Variants in TMEM178B observed in about 807,000 individuals in gnomAD.
The protein encoded by TMEM178B is transmembrane protein 178B.
TMEM178B carries 5 observed loss-of-function variants against 31.0 expected under a neutral mutation model. The observed-to-expected ratio is 0.16, with a 90% confidence interval of 0.08 to 0.34. The LOEUF (loss-of-function observed/expected upper bound fraction) is 0.34. Among genes scored for constraint, TMEM178B ranks in the 10% least tolerant of loss-of-function variants. The probability of loss-of-function intolerance (pLI) is 1.00; values close to 1 mark genes in which losing one functional copy is unlikely to be tolerated. For missense variants in TMEM178B, 275 were observed against 400.3 expected (o/e 0.69, Z 2.67); for synonymous variants, 164 against 164.0 (o/e 1.00, Z 0.00).
At chr7:141,154,721 A>G (rs1331999049) in intron 1 of TMEM178B, among the ~76,000 whole-genome samples, 1 of 150,558 alleles carries the variant, frequency 6.6e-6, no homozygotes, top group Non-Finnish European at 1.5e-5. Context: ...TGCAGCTGTT[A>G]ACTTGTTAAC....
At chr7:141,106,459 G>A (rs987477562) in intron 1 of TMEM178B, among the ~76,000 whole-genome samples, 2 of 152,082 alleles carry the variant, frequency 1.3e-5, no homozygotes, top group African/African-American at 2.4e-5. Flanking sequence ...TTAGGTTTTG[G>A]TGGGCCACAC....
intron 1 of TMEM178B, among the ~76,000 whole-genome samples, chr7:141,085,250 G>T (rs915391974): frequency 7.0e-6 from 1 of 143,092 alleles, no homozygotes; most frequent in Non-Finnish European, 1.5e-5. Flanking sequence ...ACCAGCCTCA[G>T]CCTCCCAAAG....
chr7:141,375,915 C>T (rs1233292555), intron 2 of TMEM178B, among the ~76,000 whole-genome samples: 1 of 152,168 alleles, frequency 6.6e-6, no homozygotes, highest in East Asian at 1.9e-4. Flanking sequence ...CATCGGCCTG[C>T]AGGAGTTCAT....
intron 2 of TMEM178B, among the ~76,000 whole-genome samples, chr7:141,393,671 TG>T (rs1193291838): frequency 2.0e-5 from 3 of 152,226 alleles, no homozygotes; most frequent in East Asian, 3.9e-4. Context: ...AGAAATCTCT[TG>T]CAAAGATGTT....
intron 1 of TMEM178B, among the ~76,000 whole-genome samples, chr7:141,090,316 C>T (rs931506766): frequency 9.2e-5 from 14 of 152,200 alleles, no homozygotes; most frequent in African/African-American, 3.4e-4. Context: ...TCCCAAACCC[C>T]AGAGTGTTGG....
chr7:141,213,201 A>C (rs1797076739), intron 2 of TMEM178B, among the ~76,000 whole-genome samples: 1 of 152,176 alleles, frequency 6.6e-6, no homozygotes, highest in African/African-American at 2.4e-5. Context: ...CTTTAAAGCT[A>C]CGGTTTACCC....
chr7:141,119,104 G>A (rs918711209), intron 1 of TMEM178B, among the ~76,000 whole-genome samples: 1 of 152,174 alleles, frequency 6.6e-6, no homozygotes, highest in Admixed American at 6.5e-5. Context: ...GCCTGCAGAG[G>A]CTGAGCCGTT....
rs1797069540 is a variant in TMEM178B, at chr7:141,212,678, TC to T, written c.472del (p.Arg158ValfsTer13). 6.5e-7 allele frequency: 1 copy of T among 1,535,978 alleles called. No homozygotes were observed. ...RNLTFNITKT[I>X]RQDEWHALHL... ...CTCACTTTCAATATCACGAAGACCA[TC>T]CGTCAGGATGAGTGGCATGCCCTAC... On this transcript the variant is annotated frameshift_variant, in exon 2 of 4. Coordinates refer to ENST00000565468, the MANE Select transcript of TMEM178B (RefSeq NM_001195278.2). LOFTEE classifies it high-confidence loss of function.
At chr7:141,081,420 A>C (rs576484186) in intron 1 of TMEM178B, among the ~76,000 whole-genome samples, 1 of 152,310 alleles carries the variant, frequency 6.6e-6, no homozygotes, top group African/African-American at 2.4e-5. Context: ...GGATCACCTG[A>C]GGTCAGGAGT....
chr7:141,145,286 C>G (rs111610041), intron 1 of TMEM178B, among the ~76,000 whole-genome samples: 9,267 of 152,218 alleles, frequency 0.061, 948 homozygotes, highest in African/African-American at 0.21. Context: ...TGCCACTCCA[C>G]CCAGGGGTTC....
chr7:141,496,150 G>A, the TMEM178B span, among the ~76,000 whole-genome samples: 1 of 152,168 alleles, frequency 6.6e-6, no homozygotes, highest in Admixed American at 6.5e-5. Flanking sequence ...ATGCTCCTAT[G>A]AAGACCTGGC....
At chr7:141,484,683 T>C (rs1399311918), downstream of TMEM178B, among the ~76,000 whole-genome samples, 1 of 152,152 alleles carries the variant, frequency 6.6e-6, no homozygotes, top group Non-Finnish European at 1.5e-5. The surrounding 1 kb of genome is among the most constrained non-coding windows in gnomAD (Gnocchi z 4.8). Context: ...TGCCTCAGCC[T>C]CCTGAGTAGG....
intron 1 of TMEM178B, among the ~76,000 whole-genome samples, chr7:141,121,955 C>T (rs1439209782): frequency 1.3e-5 from 2 of 152,184 alleles, no homozygotes; most frequent in Admixed American, 6.5e-5. Flanking sequence ...TTGAAGTCTC[C>T]TTTCCCATTC....
At chr7:141,462,472 T>C (rs1273925251) in intron 3 of TMEM178B, among the ~76,000 whole-genome samples, 1 of 150,468 alleles carries the variant, frequency 6.6e-6, no homozygotes, top group East Asian at 2.0e-4. Context: ...ACGTGTGATG[T>C]GGGGAGAGAG....
intron 2 of TMEM178B, among the ~76,000 whole-genome samples, chr7:141,216,956 C>T (rs1046066278): frequency 6.6e-6 from 1 of 152,208 alleles, no homozygotes; most frequent in African/African-American, 2.4e-5. Flanking sequence ...GCGGGACAGG[C>T]AAGTGTCACT....
At chr7:141,152,685 G>C (rs1034410374) in intron 1 of TMEM178B, among the ~76,000 whole-genome samples, 1 of 152,182 alleles carries the variant, frequency 6.6e-6, no homozygotes, top group Non-Finnish European at 1.5e-5. Flanking sequence ...GTTCAGTGGG[G>C]GGCCTCCAAC....
chr7:141,337,119 T>G (rs866592823), intron 2 of TMEM178B, among the ~76,000 whole-genome samples: 3 of 34,846 alleles, frequency 8.6e-5, no homozygotes, highest in Admixed American at 3.2e-4. Context: ...ACCACCACCA[T>G]CACCACCATC....
rs144736179 is a variant in TMEM178B at position 141,340,098 on chromosome 7, T to C, written c.497-97510T>C. Among the ~76,000 whole-genome samples the C allele has an allele frequency of 2.7e-3, 413 of 152,242 alleles. 3 individuals carry two copies. The highest frequency in any genetic ancestry group is 9.8e-3 in the African/African-American group (405 of 41,526). ...AGAGGACTTTGAAGATGTGATTAAG[T>C]TAGGAGAGATTTGAAGATGCTACAC... On this transcript the variant is annotated intron_variant, in intron 2 of 3. Coordinates refer to ENST00000565468, the MANE Select transcript of TMEM178B (RefSeq NM_001195278.2).
Position 141,471,655 on chromosome 7 carries a change from T to A in TMEM178B, c.*869T>A, listed in dbSNP as rs568332044. 6.6e-6 allele frequency: 1 copy of A among 152,158 alleles called. No homozygotes were observed. The highest frequency in any genetic ancestry group is 1.9e-4 in the East Asian group (1 of 5,176). 9.4% of individuals were successfully genotyped at this position (152,158 alleles called of 1,614,324 possible). ...GAAATACTGCATTATGACTGTTGTC[T>A]CTCTTATCACTGTAGTGGTTTCATG... On this transcript the variant is annotated 3_prime_UTR_variant, in exon 4 of 4. Coordinates refer to ENST00000565468, the MANE Select transcript of TMEM178B (RefSeq NM_001195278.2). The surrounding 1 kb of genome is among the most constrained non-coding windows in gnomAD (Gnocchi z 4.1).
Sources: gnomAD v4.1 joint callset for allele counts (sites outside exome capture counted in the v4.1 genomes callset) on GRCh38, gnomAD v4.1.1 for gene constraint, Gnocchi (gnomAD v3.1) non-coding constraint, MANE v1.5 for transcripts, NCBI Gene and HGNC (gene_info 2026-07-23, HGNC 2026-07-21) for gene names.